CSMD2: variants seen among roughly 807,000 people sequenced by gnomAD.
CSMD2 encodes the protein CUB and Sushi multiple domains 2.
Under a neutral mutation model 398.5 loss-of-function variants are expected in CSMD2, and 130 were observed. That is an observed-to-expected ratio of 0.33 (90% CI 0.28 to 0.38). The LOEUF is 0.38. Ranked by LOEUF, CSMD2 falls within the 10% of genes least tolerant of loss-of-function variation. The pLI, the probability that CSMD2 is intolerant of heterozygous loss-of-function variation, is 1.00. For synonymous variants in CSMD2, 1,828 were observed against 1,908.5 expected, an observed-to-expected ratio of 0.96 and a Z score of 1.10; for missense variants, 3,829 against 4,764.9, an observed-to-expected ratio of 0.80 and a Z score of 5.78.
At chr1:34,148,460 TCA>T (rs1418156730) in intron 1 of CSMD2, among the ~76,000 whole-genome samples, 2 of 152,248 alleles carry the variant, frequency 1.3e-5, no homozygotes, top group Non-Finnish European at 2.9e-5. Flanking sequence ...TCCAGCATGT[TCA>T]GTTTGATCTG....
Position 33,935,781 on chromosome 1 carries a change from A to C in CSMD2, c.691T>G (p.Phe231Val). The C allele has an allele frequency of 6.2e-7, 1 of 1,609,506 alleles. No individual in the cohort carries two copies. Among genetic ancestry groups the C allele is most frequent in the Non-Finnish European group, 8.5e-7 (1 of 1,177,760 alleles). Residue 231 changes from phenylalanine (F) to valine (V), a missense_variant, in exon 4 of 71, where the codon TTC becomes GTC. Phe to Val is a conservative substitution (Grantham distance 50). Around this residue, in one of 5 missense-constraint regions of CSMD2, gnomAD observed 2,001 missense variants for 2,567.1 expected, o/e 0.78. Transcript: ENST00000373381. ...AGSENSATWDFPLPSCRADDA... is the reference protein window; with the variant it reads ...AGSENSATWDVPLPSCRADDA... ...CTACCTCTGCAGGAAGGCAGGGGGA[A>C]GTCCCACGTGGCGCTGTTCTCAGAG...
chr1:33,838,500 T>C (rs1660541587), intron 6 of CSMD2: 1 of 152,208 alleles, frequency 6.6e-6, no homozygotes, highest in Non-Finnish European at 1.5e-5. Context: ...GCCTTGCCAT[T>C]TAGCCACCTA....
At chr1:33,955,433 T>C (rs556397236) in intron 3 of CSMD2, among the ~76,000 whole-genome samples, 1 of 152,032 alleles carries the variant, frequency 6.6e-6, no homozygotes, top group Non-Finnish European at 1.5e-5. Flanking sequence ...GCCCAAAAAA[T>C]AGAACACTCA....
chr1:33,551,086 A>AATG (rs1301959864), intron 55 of CSMD2, among the ~76,000 whole-genome samples: 1 of 152,228 alleles, frequency 6.6e-6, no homozygotes, highest in East Asian at 1.9e-4. Context: ...AAGTTACTTG[A>AATG]ATGATGTGAA....
intron 5 of CSMD2, chr1:33,869,150 T>C (rs1463967588): frequency 6.6e-6 from 1 of 152,182 alleles, no homozygotes. Context: ...GAGATTTCAG[T>C]AGTGGAGAAC....
chr1:33,854,897 T>C (rs745736853), intron 5 of CSMD2, among the ~76,000 whole-genome samples: 30 of 152,008 alleles, frequency 2.0e-4, no homozygotes, highest in Non-Finnish European at 4.1e-4. Flanking sequence ...CGCTGGGTCT[T>C]GTGTATGGGG....
chr1:33,647,584 G>C (rs1181189082), intron 28 of CSMD2, among the ~76,000 whole-genome samples: 1 of 152,144 alleles, frequency 6.6e-6, no homozygotes, highest in Non-Finnish European at 1.5e-5. Context: ...ACACTAACTT[G>C]TTATAACATG....
In CSMD2 at chr1:33,652,343, G is replaced by T. The variant is rs758315572; in HGVS notation, c.4566C>A (p.Val1522=). 6.2e-7 allele frequency: 1 copy of T among 1,614,050 alleles called. No homozygotes were observed. The highest frequency in any genetic ancestry group is 1.1e-5 in the South Asian group (1 of 91,090). The change falls in exon 28 of 71, where the codon GTC becomes GTA. Residue 1522 remains valine, a synonymous_variant. Coordinates refer to ENST00000373381, the MANE Select transcript of CSMD2 (RefSeq NM_001281956.2). ...DWKVTVSPDY[V]IALVFNIFNL... ...CATACATGTTAAATACCAGGGCGAT[G>T]ACGTAGTCTGGTGAGACGGTCACTT... is the stretch of plus-strand genomic sequence containing the variant.
intron 2 of CSMD2, among the ~76,000 whole-genome samples, chr1:34,057,900 G>T: frequency 6.6e-6 from 1 of 152,198 alleles, no homozygotes; most frequent in South Asian, 2.1e-4. Context: ...CTGAGCACTG[G>T]CAGGCAAGCT....
chr1:33,914,898 T>A (rs1643644381), intron 5 of CSMD2, among the ~76,000 whole-genome samples: 1 of 152,274 alleles, frequency 6.6e-6, no homozygotes, highest in Admixed American at 6.5e-5. Flanking sequence ...GCAGGTTTTC[T>A]TCTAACATCC....
intron 5 of CSMD2, chr1:33,862,351 G>C (rs1163979638): frequency 8.5e-6 from 1 of 117,840 alleles, no homozygotes; most frequent in Non-Finnish European, 1.6e-5. Context: ...CTCTGTGTGT[G>C]TGTGTGTGTG....
At chr1:33,833,686 C>T (rs1659885364) in intron 6 of CSMD2, among the ~76,000 whole-genome samples, 1 of 151,024 alleles carries the variant, frequency 6.6e-6, no homozygotes, top group Non-Finnish European at 1.5e-5. Context: ...AAAGGGTATT[C>T]AATTAGGAAA....
intron 55 of CSMD2, 117 bp downstream of exon 55, chr1:33,557,617 G>GACACACACACAC (rs10579079): frequency 1.8e-4 from 120 of 661,332 alleles, no homozygotes; most frequent in South Asian, 5.6e-4. Flanking sequence ...TACATGTGCA[G>GACACACACACAC]ACACACACAC....
At chr1:33,647,128 G>A (rs576900475) in intron 28 of CSMD2, among the ~76,000 whole-genome samples, 23 of 152,308 alleles carry the variant, frequency 1.5e-4, no homozygotes, top group Admixed American at 1.3e-3. Flanking sequence ...GGGAAAATGA[G>A]TTGCCAACTC....
At chr1:34,101,921 A>G (rs1290074079) in intron 1 of CSMD2, among the ~76,000 whole-genome samples, 1 of 151,648 alleles carries the variant, frequency 6.6e-6, no homozygotes, top group African/African-American at 2.4e-5. Context: ...ATTTGTACTA[A>G]CTCTTTATAG....
chr1:33,734,048 TA>T (rs1324252779), intron 15 of CSMD2, among the ~76,000 whole-genome samples: 4 of 152,204 alleles, frequency 2.6e-5, no homozygotes, highest in African/African-American at 9.6e-5. Context: ...GCAAGAAGAT[TA>T]AATGAGAGAT....
chr1:33,626,309 T>C (rs1642125670), intron 33 of CSMD2, among the ~76,000 whole-genome samples, 177 bp downstream of exon 33: 1 of 152,186 alleles, frequency 6.6e-6, no homozygotes, highest in African/African-American at 2.4e-5. Flanking sequence ...GTCTGCTGAG[T>C]AAGTGAATGC....
chr1:33,541,067 G>A, intron 59 of CSMD2, 63 bp downstream of exon 59: 2 of 1,505,430 alleles, frequency 1.3e-6, no homozygotes, highest in South Asian at 2.4e-5. Flanking sequence ...AGATGCTCAG[G>A]GCCTACATCT....
intron 5 of CSMD2, among the ~76,000 whole-genome samples, chr1:33,877,851 G>A (rs1024478401): frequency 1.3e-5 from 2 of 152,076 alleles, no homozygotes; most frequent in African/African-American, 2.4e-5. Context: ...TCAGGATTGC[G>A]CTGCTGAAGG....
Sources: allele counts gnomAD v4.1 joint callset (sites outside exome capture counted in the v4.1 genomes callset), GRCh38; gene constraint gnomAD v4.1.1; regional missense constraint gnomAD v4.1.1; transcripts MANE v1.5; gene names NCBI Gene and HGNC (gene_info 2026-07-23, HGNC 2026-07-21).